The following NEK10 variants were observed in gnomAD, a reference collection of about 807,000 sequenced individuals.
NEK10 encodes the protein serine/threonine-protein kinase Nek10.
In NEK10, 122 loss-of-function variants were observed where a neutral mutation model predicts 159.8. That is an observed-to-expected ratio of 0.76 (90% CI 0.66 to 0.89). NEK10 has a LOEUF of 0.89. Ranked by LOEUF, NEK10 falls within the 40% of genes least tolerant of loss-of-function variation. NEK10 has a pLI of 0.00. For synonymous variants in NEK10, 466 were observed against 457.1 expected, an observed-to-expected ratio of 1.02 and a Z score of -0.25; for missense variants, 1,342 against 1,323.1, an observed-to-expected ratio of 1.01 and a Z score of -0.22.
intron 5 of NEK10, among the ~76,000 whole-genome samples, chr3:27,339,061 C>A (rs1575818593): frequency 2.0e-5 from 3 of 152,080 alleles, no homozygotes; most frequent in African/African-American, 7.2e-5. Context: ...GACTAATATC[C>A]AAAATATACA....
chr3:27,197,889 T>C (rs1405478971), intron 25 of NEK10, among the ~76,000 whole-genome samples: 1 of 152,144 alleles, frequency 6.6e-6, no homozygotes, highest in Non-Finnish European at 1.5e-5. Context: ...ATTGGTGTGC[T>C]GCACCCATTA....
intron 23 of NEK10, among the ~76,000 whole-genome samples, chr3:27,237,159 C>T (rs1954019818): frequency 6.6e-6 from 1 of 152,154 alleles, no homozygotes; most frequent in Non-Finnish European, 1.5e-5. Flanking sequence ...CTGCCTGACC[C>T]CGCAGGCAGT....
intron 3 of NEK10, among the ~76,000 whole-genome samples, chr3:27,347,251 A>G (rs2047621794): frequency 1.3e-5 from 2 of 152,162 alleles, no homozygotes; most frequent in South Asian, 4.1e-4. Context: ...GTAGTGGCTC[A>G]TGCCTGTAAT....
At chr3:27,326,518 C>T (rs7648100) in intron 5 of NEK10, among the ~76,000 whole-genome samples, 2,652 of 152,224 alleles carry the variant, frequency 0.017, 43 homozygotes, top group Non-Finnish European at 0.024. Context: ...AGTGATTTTT[C>T]ATATTAATAT....
Position 27,113,466 on chromosome 3 carries a change from A to C in NEK10, c.3300-2146T>G, listed in dbSNP as rs1158999149. Among the ~76,000 whole-genome samples the C allele has an allele frequency of 3.3e-5, 5 of 151,684 alleles. No homozygotes were observed. In the East Asian group the frequency reaches 9.7e-4, roughly 29 times the overall value. On this transcript the variant is annotated intron_variant, in intron 35 of 35. Transcript: ENST00000691995. ...AAAAAAAAAAAAAAAAAAGAAGCCAAAAAGGGAATACCATGGATATATGGA... is the reference window on the plus strand; with the variant it reads ...AAAAAAAAAAAAAAAAAAGAAGCCACAAAGGGAATACCATGGATATATGGA...
At chr3:27,215,796 A>T (rs1170767203) in intron 23 of NEK10, 1 of 717,130 alleles carries the variant, frequency 1.4e-6, no homozygotes, top group East Asian at 2.7e-5. Flanking sequence ...GGAAGCTTCC[A>T]ATGATAGCAG....
intron 9 of NEK10, chr3:27,309,720 A>ATTT (rs2149585471): frequency 6.6e-6 from 1 of 152,372 alleles, no homozygotes; most frequent in South Asian, 2.1e-4. Flanking sequence ...TGAGCCAGGC[A>ATTT]TTGTGCTAGG....
intron 14 of NEK10, among the ~76,000 whole-genome samples, chr3:27,296,945 T>C (rs920465547): frequency 1.3e-5 from 2 of 152,136 alleles, no homozygotes; most frequent in African/African-American, 4.8e-5. Flanking sequence ...GCACATAACA[T>C]AATGAAGAAA....
intron 5 of NEK10, among the ~76,000 whole-genome samples, chr3:27,333,624 C>T (rs1432453395): frequency 3.9e-5 from 6 of 152,086 alleles, no homozygotes; most frequent in Non-Finnish European, 5.9e-5. Flanking sequence ...GGCTGAGGTG[C>T]GGGAGAAGCA....
intron 29 of NEK10, among the ~76,000 whole-genome samples, chr3:27,167,401 C>T (rs1327784313): frequency 1.3e-5 from 2 of 152,106 alleles, no homozygotes; most frequent in Non-Finnish European, 2.9e-5. Context: ...TAATAAATAT[C>T]CATCAATTAA....
chr3:27,206,798 C>T (rs1950582358), intron 23 of NEK10: 1 of 201,260 alleles, frequency 5.0e-6, no homozygotes, highest in African/African-American at 2.4e-5. Context: ...TGTTTATTTT[C>T]TTGAATTTCA....
chr3:27,111,161 C>T lies in NEK10; in HGVS notation c.*111G>A. 9.7e-7 allele frequency: 1 copy of T among 1,026,840 alleles called. No homozygotes were observed. The allele number at this position is 1,026,840 out of a possible 1,614,324, so 63.6% of individuals were successfully genotyped here. On this transcript the variant is annotated 3_prime_UTR_variant, in exon 36 of 36. Coordinates refer to ENST00000691995, the MANE Select transcript of NEK10 (RefSeq NM_001394966.1). ...CCTGCAGGCCCCATGGCATCTTGGT[C>T]TTTTCCACACCCTCTAGCAGCACCC...
At chr3:27,152,202 A>G (rs1258126184) in intron 30 of NEK10, among the ~76,000 whole-genome samples, 1 of 152,208 alleles carries the variant, frequency 6.6e-6, no homozygotes, top group African/African-American at 2.4e-5. Flanking sequence ...TCTGTTATCC[A>G]AAGTTAAGAT....
intron 23 of NEK10, among the ~76,000 whole-genome samples, chr3:27,234,962 A>G (rs1953741044): frequency 6.6e-6 from 1 of 152,140 alleles, no homozygotes; most frequent in African/African-American, 2.4e-5. Context: ...ATAAGATTGC[A>G]CACCTACAAC....
At chr3:27,348,883 G>A (rs2047762598) in intron 3 of NEK10, among the ~76,000 whole-genome samples, 1 of 152,094 alleles carries the variant, frequency 6.6e-6, no homozygotes, top group Admixed American at 6.5e-5. Context: ...TGGAACAAAT[G>A]CTCACTTTGT....
At chr3:27,201,302 CATA>C in intron 25 of NEK10, among the ~76,000 whole-genome samples, 1 of 152,268 alleles carries the variant, frequency 6.6e-6, no homozygotes, top group Admixed American at 6.5e-5. Flanking sequence ...CTAGTGGTTG[CATA>C]ATAAGTGAAC....
At chr3:27,360,393 G>C (rs1289414820) in intron 1 of NEK10, among the ~76,000 whole-genome samples, 1 of 152,136 alleles carries the variant, frequency 6.6e-6, no homozygotes, top group Admixed American at 6.5e-5. Flanking sequence ...AACAAGAAAA[G>C]ACACTTGCAC....
intron 22 of NEK10, among the ~76,000 whole-genome samples, chr3:27,276,285 A>G (rs947553427): frequency 2.4e-4 from 36 of 152,174 alleles, no homozygotes; most frequent in Admixed American, 2.2e-3. Flanking sequence ...ATGTGCTATG[A>G]GACAGGCAAG....
chr3:27,185,348 C>T (rs2148940809), intron 26 of NEK10, among the ~76,000 whole-genome samples: 1 of 152,196 alleles, frequency 6.6e-6, no homozygotes, highest in South Asian at 2.1e-4. Context: ...AAGCATGAAA[C>T]AATTTACCAA....
Sources: gnomAD v4.1 joint callset for allele counts (sites outside exome capture counted in the v4.1 genomes callset) on GRCh38, gnomAD v4.1.1 for gene constraint, MANE v1.5 for transcripts, NCBI Gene and HGNC (gene_info 2026-07-23, HGNC 2026-07-21) for gene names.